Variants in CUL4B observed in about 807,000 individuals in gnomAD.
CUL4B encodes the protein cullin 4B.
A neutral mutation model predicts 69.2 loss-of-function variants in CUL4B; 1 was observed. The observed-to-expected ratio is 0.01, with a 90% CI of 0.01 to 0.07. The LOEUF (loss-of-function observed/expected upper bound fraction) is 0.07, where lower values mean the gene tolerates loss of function less well. Ranked by LOEUF, CUL4B falls within the 10% of genes least tolerant of loss-of-function variation. The pLI, the probability that CUL4B is intolerant of heterozygous loss-of-function variation, is 1.00. For synonymous variants in CUL4B, 237 were observed against 223.2 expected, an observed-to-expected ratio of 1.06 and a Z score of -0.55; for missense variants, 328 against 638.8, an observed-to-expected ratio of 0.51 and a Z score of 5.24.
rs1029735052 is a variant in CUL4B at position 120,524,567 on chromosome X, T to C, written c.*2194A>G. 2.7e-5 allele frequency: 3 copies of C among 112,336 alleles called. No individual in the cohort carries two copies. Among genetic ancestry groups the C allele is most frequent in the Non-Finnish European group, 5.6e-5 (3 of 53,209 alleles). 9.3% of individuals were successfully genotyped at this position (112,336 alleles called of 1,213,427 possible). On this transcript the variant is annotated 3_prime_UTR_variant, in exon 20 of 20. Coordinates refer to ENST00000371322, the MANE Select transcript of CUL4B (RefSeq NM_001079872.2). ...GAAGATTTTAAGTCCTGTGATTTTA[T>C]AACTTTCTTACAATACTTGAATTTT...
intron 10 of CUL4B, among the ~76,000 whole-genome samples, chrX:120,541,062 T>C (rs930238583): frequency 5.3e-5 from 6 of 112,637 alleles, no homozygotes; most frequent in African/African-American, 1.9e-4. Context: ...TTTTTCTACA[T>C]TTACTGCTTT....
intron 8 of CUL4B, 152 bp downstream of exon 8, chrX:120,543,575 G>A (rs1031867835): frequency 3.0e-5 from 14 of 460,961 alleles, no homozygotes; most frequent in Non-Finnish European, 5.3e-5. Flanking sequence ...ATTAACTAGG[G>A]AAAAGAATAA....
chrX:120,542,700 C>T (rs948648012), intron 9 of CUL4B, among the ~76,000 whole-genome samples: 1 of 111,664 alleles, frequency 9.0e-6, no homozygotes, highest in Non-Finnish European at 1.9e-5. Context: ...CTGCCTCAGC[C>T]TCTCAAGTAG....
Position 120,574,598 on chromosome X carries a change from C to T in CUL4B, c.20G>A (p.Gly7Glu), listed in dbSNP as rs757896094. 20 of 1,207,350 alleles carry T rather than the reference C, an allele frequency of 1.7e-5. No homozygotes were observed. The South Asian group carries it at 2.8e-4, about 17-fold the overall frequency. The stretch of plus-strand genomic sequence containing the variant: ...CTCATCATCATTCCCATCTCCTGAT[C>T]CAGATGACTGTGACATCATCCGTCC... Residue 7 changes from glycine (G) to glutamate (E), a missense_variant, in exon 2 of 3, where the codon GGA becomes GAA. By Grantham distance (98) the Gly-to-Glu change is moderately conservative. Transcript: ENST00000486604.
downstream of CUL4B, among the ~76,000 whole-genome samples, chrX:120,568,054 C>T (rs1042214221): frequency 2.7e-5 from 3 of 111,892 alleles, no homozygotes; most frequent in African/African-American, 9.8e-5. Flanking sequence ...TTGCCTCCTT[C>T]TCTAGGAATC....
intron 19 of CUL4B, among the ~76,000 whole-genome samples, chrX:120,527,943 T>C (rs1290927174): frequency 8.9e-6 from 1 of 112,451 alleles, no homozygotes; most frequent in Non-Finnish European, 1.9e-5. Flanking sequence ...ACCCTTCGCG[T>C]GGTTAAATAC....
chrX:120,535,425 C>A (rs1251534438), intron 16 of CUL4B, among the ~76,000 whole-genome samples: 2 of 110,642 alleles, frequency 1.8e-5, no homozygotes, highest in Admixed American at 9.6e-5. Flanking sequence ...CTTAAACTGG[C>A]CAGATGCGGT....
chrX:120,534,597 A>G lies in CUL4B; in HGVS notation c.2161-11T>C. 1.8e-6 allele frequency: 2 copies of G among 1,095,870 alleles called. No individual in the cohort carries two copies. The highest frequency in any genetic ancestry group is 1.3e-6 in the Non-Finnish European group (1 of 789,724). The allele number at this position is 1,095,870 out of a possible 1,213,427, so 90.3% of individuals were successfully genotyped here. ...GAGTTCCTTTTTACCCTGTTGAAGA[A>G]ATAAAAGTGTTTAGTCATCACTTTT... On this transcript the variant is annotated splice_polypyrimidine_tract_variant and intron_variant, in intron 16 of 19. Transcript: ENST00000371322.
intron 2 of CUL4B, among the ~76,000 whole-genome samples, chrX:120,550,880 AT>A (rs1345588380): frequency 8.9e-6 from 1 of 111,912 alleles, no homozygotes; most frequent in Non-Finnish European, 1.9e-5. Flanking sequence ...GTCTGCTATC[AT>A]TTATGTAAAA....
rs368960674 is a variant in CUL4B, at chrX:120,560,480, G to C, written c.159C>G (p.Asn53Lys). Residue 53 changes from asparagine to lysine, a missense_variant, in exon 1 of 20, where the codon AAC becomes AAG. Transcript: ENST00000371322. ...AGGTGGAATCAAAGTCTTCTCTCTC[G>C]TTACTACTGTTACTGCTGCTACTGC... ...SSSSSSSNSS[N>K]EREDFDSTSS... is the part of the protein sequence containing the mutation. 6 of 1,209,412 alleles carry C rather than the reference G, an allele frequency of 5.0e-6. No homozygotes were observed. The highest frequency in any genetic ancestry group is 3.5e-5 in the South Asian group (2 of 56,907).
chrX:120,541,050 T>C (rs1038060393), intron 10 of CUL4B, among the ~76,000 whole-genome samples: 7 of 112,560 alleles, frequency 6.2e-5, no homozygotes, highest in Non-Finnish European at 3.8e-5. Flanking sequence ...GGGTTCAAAG[T>C]CTTTTTCTAC....
chrX:120,548,620 G>A (rs1443646487), intron 2 of CUL4B, among the ~76,000 whole-genome samples: 1 of 110,652 alleles, frequency 9.0e-6, no homozygotes, highest in African/African-American at 3.3e-5. Flanking sequence ...GATCACTTGA[G>A]GTCAGGAGTT....
chrX:120,545,655 T>C (rs1924271116), intron 4 of CUL4B, 138 bp from the exon 5 acceptor site: 2 of 474,758 alleles, frequency 4.2e-6, no homozygotes, highest in Non-Finnish European at 3.7e-6. Flanking sequence ...GATAAACACA[T>C]CTATCTGAGA....
intron 2 of CUL4B, among the ~76,000 whole-genome samples, chrX:120,554,432 AACATTAATCACTGCCTC>A (rs1924856226): frequency 8.9e-6 from 1 of 112,409 alleles, no homozygotes; most frequent in African/African-American, 3.2e-5. Flanking sequence ...GTCAAATGAA[AACATTAATCACTGCCTC>A]ACACCCACAG....
At chrX:120,546,988 A>G in intron 3 of CUL4B, 148 bp downstream of exon 3, 3 of 470,946 alleles carry the variant, frequency 6.4e-6, no homozygotes, top group Non-Finnish European at 3.7e-6. Context: ...AAAAGTCAAA[A>G]TGTGTTTCTT....
chrX:120,552,816 T>C (rs1924762833), intron 2 of CUL4B, among the ~76,000 whole-genome samples: 1 of 112,347 alleles, frequency 8.9e-6, no homozygotes, highest in South Asian at 3.7e-4. Flanking sequence ...GGAGTCTTAG[T>C]TTTCGAGCTA....
chrX:120,530,025 C>T (rs1033990513), intron 19 of CUL4B, 77 bp downstream of exon 19: 11 of 1,044,943 alleles, frequency 1.1e-5, no homozygotes, highest in African/African-American at 1.9e-5. Context: ...TTTATGTTTG[C>T]AAGATTTGTG....
chrX:120,541,302 C>T (rs1923974757), intron 10 of CUL4B, among the ~76,000 whole-genome samples: 1 of 111,956 alleles, frequency 8.9e-6, no homozygotes, highest in Non-Finnish European at 1.9e-5. Context: ...GAGTTCAAGG[C>T]CAGCCTGACC....
In CUL4B at chrX:120,560,819, A is replaced by T; in HGVS notation, c.-181T>A. ...CACCGGGGGAATGGGAGGGTTTGGG[A>T]AGGCGGATAGGCTGACACCAGGAGT... is the stretch of plus-strand genomic sequence containing the variant. On this transcript the variant is annotated 5_prime_UTR_variant, in exon 1 of 20. Coordinates refer to ENST00000371322, the MANE Select transcript of CUL4B (RefSeq NM_001079872.2). The T allele has an allele frequency of 1.0e-6, 1 of 988,319 alleles. No homozygotes were observed. Among genetic ancestry groups the T allele is most frequent in the Non-Finnish European group, 1.3e-6 (1 of 779,821 alleles). 81.4% of individuals were successfully genotyped at this position (988,319 alleles called of 1,213,427 possible).
Sources: gnomAD v4.1 joint callset for allele counts (sites outside exome capture counted in the v4.1 genomes callset) on GRCh38, gnomAD v4.1.1 for gene constraint, MANE v1.5 for transcripts, NCBI Gene and HGNC (gene_info 2026-07-23, HGNC 2026-07-21) for gene names.